TEX10: variants seen among roughly 807,000 people sequenced by gnomAD.
TEX10 encodes the protein testis expressed 10, also known as testis-expressed protein 10.
Under a neutral mutation model 104.4 loss-of-function variants are expected in TEX10, and 24 were observed. That is an observed-to-expected ratio of 0.23 (90% CI 0.17 to 0.32). The LOEUF (loss-of-function observed/expected upper bound fraction) is 0.32, where lower values mean the gene tolerates loss of function less well. Ranked by LOEUF, TEX10 falls within the 10% of genes least tolerant of loss-of-function variation. The pLI is 1.00. For missense variants in TEX10, 921 were observed against 1,083.9 expected (o/e 0.85, Z 2.11); for synonymous variants, 396 against 393.4 (o/e 1.01, Z -0.08).
At chr9:100,340,697 C>G (rs1022077186) in intron 4 of TEX10, among the ~76,000 whole-genome samples, 3 of 152,162 alleles carry the variant, frequency 2.0e-5, no homozygotes, top group African/African-American at 7.2e-5. Flanking sequence ...AAGTCTTTCT[C>G]CCTGATGTTC....
intron 5 of TEX10, among the ~76,000 whole-genome samples, chr9:100,339,290 T>TATATAC (rs373547327): frequency 7.3e-4 from 92 of 126,868 alleles, no homozygotes; most frequent in Admixed American, 1.2e-3. Flanking sequence ...TATATATATA[T>TATATAC]ACATATATAT....
chr9:100,318,154 T>C (rs1232038327), intron 11 of TEX10, among the ~76,000 whole-genome samples: 1 of 152,180 alleles, frequency 6.6e-6, no homozygotes, highest in African/African-American at 2.4e-5. Context: ...ATCAAAAAGA[T>C]ACCTATGTTT....
chr9:100,313,105 CT>C (rs1834319592), intron 11 of TEX10, among the ~76,000 whole-genome samples: 1 of 152,146 alleles, frequency 6.6e-6, no homozygotes, highest in African/African-American at 2.4e-5. Context: ...ACTGTCAAAA[CT>C]GGCTAACAAA....
chr9:100,334,491 G>A (rs1171946007), intron 5 of TEX10, among the ~76,000 whole-genome samples: 1 of 152,046 alleles, frequency 6.6e-6, no homozygotes, highest in Non-Finnish European at 1.5e-5. Flanking sequence ...ATGATCCCAG[G>A]GAGGACTGAG....
intron 2 of TEX10, among the ~76,000 whole-genome samples, chr9:100,348,786 C>T (rs1564223026): frequency 6.6e-6 from 1 of 152,136 alleles, no homozygotes; most frequent in Non-Finnish European, 1.5e-5. Context: ...TGACGCTCGC[C>T]TGCAGCCCCA....
intron 13 of TEX10, chr9:100,305,430 T>C (rs1834121765): frequency 6.6e-6 from 1 of 152,216 alleles, no homozygotes; most frequent in Non-Finnish European, 1.5e-5. Flanking sequence ...ACTGCAGACA[T>C]AGCTAATGCA....
chr9:100,316,529 G>A (rs1281343697), intron 11 of TEX10, among the ~76,000 whole-genome samples: 2 of 152,106 alleles, frequency 1.3e-5, no homozygotes, highest in African/African-American at 4.8e-5. Context: ...CCTAGCCAGA[G>A]CAATCAGGCA....
rs1835293682 is a variant in TEX10 at position 100,346,139 on chromosome 9, T to C, written c.1070A>G (p.Gln357Arg). 6.2e-7 allele frequency: 1 copy of C among 1,614,044 alleles called. No homozygotes were observed. Among genetic ancestry groups the C allele is most frequent in the African/African-American group, 1.3e-5 (1 of 75,052 alleles). ...GIEREPLQVM[Q>R]QVLNIISLLW... ...AAGGGAAATAATATTAAGAACTTGC[T>C]GCATAACCTGTAGAGGTTCTCGTTC... Residue 357 changes from glutamine (Q) to arginine (R), a missense_variant, in exon 4 of 15, where the codon CAG becomes CGG. This residue lies in a region of TEX10 where 753 missense variants were observed against 868.4 expected (regional missense o/e 0.87). Transcript: ENST00000374902.
In TEX10 at chr9:100,308,562, G is replaced by A; in HGVS notation, c.2403C>T (p.Cys801=). 2 of 1,612,544 alleles carry A rather than the reference G, an allele frequency of 1.2e-6. No homozygotes were observed. Among genetic ancestry groups the A allele is most frequent in the Non-Finnish European group, 1.7e-6 (2 of 1,179,148 alleles). The stretch of plus-strand genomic sequence containing the variant: ...TGAGCAGAAAATAAAGAAGACTGTA[G>A]CAACAAGAAGCCAGAAATGGCAGTA... ...ETLLPFLASC[C]YSLLYFLLTI... is the part of the protein sequence containing the mutation. Residue 801 remains cysteine (C), a synonymous_variant, in exon 13 of 15, where the codon TGC becomes TGT. Coordinates refer to ENST00000374902, the MANE Select transcript of TEX10 (RefSeq NM_017746.4).
intron 13 of TEX10, chr9:100,307,420 T>G (rs1213542054): frequency 6.6e-6 from 1 of 152,200 alleles, no homozygotes; most frequent in Admixed American, 6.5e-5. Flanking sequence ...TAACCCTTTA[T>G]AGAAAGAACT....
intron 5 of TEX10, among the ~76,000 whole-genome samples, chr9:100,339,571 C>CA (rs1835118814): frequency 6.6e-6 from 1 of 151,774 alleles, no homozygotes; most frequent in African/African-American, 2.4e-5. Flanking sequence ...CAAAAAACCT[C>CA]AATGATTCTC....
At chr9:100,332,839 G>A (rs1834902778) in intron 5 of TEX10, among the ~76,000 whole-genome samples, 1 of 151,408 alleles carries the variant, frequency 6.6e-6, no homozygotes, top group African/African-American at 2.4e-5. Context: ...AAAAATTGCT[G>A]AAAATAACTA....
intron 11 of TEX10, among the ~76,000 whole-genome samples, chr9:100,313,965 C>G (rs1834348120): frequency 6.6e-6 from 1 of 152,088 alleles, no homozygotes; most frequent in Admixed American, 6.5e-5. Context: ...GGAGAATTCC[C>G]TCTTCCCTCC....
intron 7 of TEX10, among the ~76,000 whole-genome samples, chr9:100,328,872 G>A (rs180935644): frequency 6.6e-6 from 1 of 152,326 alleles, no homozygotes; most frequent in East Asian, 1.9e-4. Flanking sequence ...AAAGGGCTGA[G>A]GTTGTTCCAA....
intron 11 of TEX10, among the ~76,000 whole-genome samples, chr9:100,316,869 A>G (rs1834429531): frequency 1.3e-5 from 2 of 150,716 alleles, no homozygotes; most frequent in South Asian, 4.2e-4. Flanking sequence ...AACAAAATCA[A>G]GAAGGCAATC....
At chr9:100,306,767 A>G (rs1834154850) in intron 13 of TEX10, 1 of 152,182 alleles carries the variant, frequency 6.6e-6, no homozygotes, top group African/African-American at 2.4e-5. Flanking sequence ...AGTATAGAAT[A>G]CCCCTACAAC....
chr9:100,312,304 G>A (rs1834300944), intron 11 of TEX10, among the ~76,000 whole-genome samples: 1 of 152,174 alleles, frequency 6.6e-6, no homozygotes, highest in Non-Finnish European at 1.5e-5. Context: ...GGAGTGCTGA[G>A]ATGGCCCAGA....
intron 11 of TEX10, among the ~76,000 whole-genome samples, chr9:100,314,322 G>A (rs1834359232): frequency 6.6e-6 from 1 of 152,032 alleles, no homozygotes; most frequent in South Asian, 2.1e-4. Context: ...TCCTGACTTC[G>A]TGATCCTCCC....
At chr9:100,334,490 G>A (rs970252126) in intron 5 of TEX10, among the ~76,000 whole-genome samples, 6 of 152,088 alleles carry the variant, frequency 3.9e-5, no homozygotes, top group African/African-American at 1.4e-4. Context: ...AATGATCCCA[G>A]GGAGGACTGA....
Sources: gnomAD v4.1 joint callset for allele counts (sites outside exome capture counted in the v4.1 genomes callset) on GRCh38, gnomAD v4.1.1 for gene constraint, gnomAD v4.1.1 regional missense constraint, MANE v1.5 for transcripts, NCBI Gene and HGNC (gene_info 2026-07-23, HGNC 2026-07-21) for gene names.